ALPK1: variants seen among roughly 807,000 people sequenced by gnomAD.
ALPK1 encodes the protein alpha kinase 1.
In ALPK1, 110 loss-of-function variants were observed where a neutral mutation model predicts 120.6. That is an observed-to-expected ratio of 0.91 (90% CI 0.78 to 1.07). The LOEUF (loss-of-function observed/expected upper bound fraction) is 1.07, where lower values mean the gene tolerates loss of function less well. Ranked by LOEUF, ALPK1 falls within the 50% of genes least tolerant of loss-of-function variation. The probability of loss-of-function intolerance (pLI) is 0.00; values close to 1 mark genes in which losing one functional copy is unlikely to be tolerated. For missense variants in ALPK1, 1,498 were observed against 1,483.9 expected (o/e 1.01, Z -0.16); for synonymous variants, 582 against 560.3 (o/e 1.04, Z -0.55).
At chr4:112,398,412 C>T (rs6814074) in intron 4 of ALPK1, among the ~76,000 whole-genome samples, 22,998 of 151,990 alleles carry the variant, frequency 0.15, 2,448 homozygotes, top group African/African-American at 0.31. Context: ...CCCACCTCAA[C>T]CTCCAGAATA....
intron 4 of ALPK1, among the ~76,000 whole-genome samples, chr4:112,391,830 T>C (rs956407394): frequency 2.6e-5 from 4 of 152,346 alleles, no homozygotes; most frequent in Non-Finnish European, 5.9e-5. Context: ...ACCCAGTTTA[T>C]GGCCTTCTCA....
intron 1 of ALPK1, among the ~76,000 whole-genome samples, chr4:112,313,525 C>T (rs1728505446): frequency 6.6e-6 from 1 of 152,164 alleles, no homozygotes; most frequent in Non-Finnish European, 1.5e-5. Flanking sequence ...GAGTTCGAGA[C>T]CAGACTGCCC....
chr4:112,357,056 A>C lies in ALPK1; in HGVS notation c.-100-20622A>C, dbSNP rs1730662053. On this transcript the variant is annotated intron_variant, in intron 2 of 15. Coordinates refer to ENST00000650871, the MANE Select transcript of ALPK1 (RefSeq NM_025144.4). ...GGACCCCACCAGCTCAGGGCTGAACATGGAGCTGGAAGACATTGCAAAGCT... is the reference window on the plus strand; with the variant it reads ...GGACCCCACCAGCTCAGGGCTGAACCTGGAGCTGGAAGACATTGCAAAGCT... 10 of 905,472 alleles carry C rather than the reference A, an allele frequency of 1.1e-5. No homozygotes were observed. The South Asian group carries it at 1.3e-4, about 12-fold the overall frequency. The allele number at this position is 905,472 out of a possible 1,614,324, so 56.1% of individuals were successfully genotyped here.
At chr4:112,426,378 A>G (rs773134358) in intron 7 of ALPK1, 89 bp from the exon 8 acceptor site, 2 of 969,852 alleles carry the variant, frequency 2.1e-6, no homozygotes, top group Non-Finnish European at 3.2e-6. Context: ...TTGGTTCTGT[A>G]TTTGTTTTCA....
At position 112,326,379 on chromosome 4, in the gene ALPK1, T is replaced by G. The variant is rs1381634399; in HGVS notation, c.-101+10527T>G. On this transcript the variant is annotated intron_variant, in intron 2 of 15. Transcript: ENST00000650871. ...GTCATGCAAAGCCATCATAAATAGG[T>G]CAGATAAAGATGGTCTACAGAGAGA... Among the ~76,000 whole-genome samples, 2 of 152,018 alleles carry G rather than the reference T, an allele frequency of 1.3e-5. 1 individual carries two copies. Among genetic ancestry groups the G allele is most frequent in the Admixed American group, 1.3e-4 (2 of 15,242 alleles).
rs1730600060 is a variant in ALPK1, at chr4:112,356,114, C to T, written c.-100-21564C>T. 3 of 1,443,516 alleles carry T rather than the reference C, an allele frequency of 2.1e-6. 1 individual carries two copies. The highest frequency in any genetic ancestry group is 2.8e-5 in the African/African-American group (2 of 71,576). The allele number at this position is 1,443,516 out of a possible 1,614,324, so 89.4% of individuals were successfully genotyped here. Reference sequence around the variant, plus strand: ...GCCTGCCCCTCAGCCACCCTCTGTGCCCTCCTGAGAACAGGCTGATATGCC... The same window carrying T: ...GCCTGCCCCTCAGCCACCCTCTGTGTCCTCCTGAGAACAGGCTGATATGCC... On this transcript the variant is annotated intron_variant, in intron 2 of 15. Transcript: ENST00000650871.
chr4:112,413,325 C>CTATA (rs949887079), intron 5 of ALPK1, among the ~76,000 whole-genome samples: 100 of 152,288 alleles, frequency 6.6e-4, no homozygotes, highest in African/African-American at 2.4e-3. Flanking sequence ...TACAGCATTG[C>CTATA]TATAGTGTGA....
At chr4:112,375,917 G>A (rs575677346) in intron 2 of ALPK1, among the ~76,000 whole-genome samples, 1 of 152,238 alleles carries the variant, frequency 6.6e-6, no homozygotes, top group South Asian at 2.1e-4. Flanking sequence ...AGAGGCTGCT[G>A]TAGGGTTATT....
At chr4:112,320,893 C>CTTTTTT (rs1430803675) in intron 2 of ALPK1, among the ~76,000 whole-genome samples, 4 of 119,208 alleles carry the variant, frequency 3.4e-5, no homozygotes, top group African/African-American at 1.5e-4. Context: ...TCACCCATTT[C>CTTTTTT]TTTCTTTTTT....
chr4:112,392,336 C>G (rs1732455327), intron 4 of ALPK1, among the ~76,000 whole-genome samples: 1 of 152,166 alleles, frequency 6.6e-6, no homozygotes, highest in South Asian at 2.1e-4. Flanking sequence ...TTGGCTTTAA[C>G]TTCCCCCCAA....
intron 1 of ALPK1, among the ~76,000 whole-genome samples, chr4:112,301,983 C>T (rs17627664): frequency 9.2e-5 from 14 of 152,152 alleles, no homozygotes; most frequent in Non-Finnish European, 1.6e-4. Context: ...CTCCAAAACC[C>T]TTCTCCTCCC....
chr4:112,329,063 T>A (rs1352204112), intron 2 of ALPK1, among the ~76,000 whole-genome samples: 1 of 152,216 alleles, frequency 6.6e-6, no homozygotes, highest in Non-Finnish European at 1.5e-5. Context: ...ACTGTGCCGT[T>A]TTCATCCCTT....
At chr4:112,314,228 G>A (rs923797953) in intron 1 of ALPK1, among the ~76,000 whole-genome samples, 1 of 152,162 alleles carries the variant, frequency 6.6e-6, no homozygotes, top group African/African-American at 2.4e-5. Context: ...GGAAGTCCTC[G>A]TCTGATGAGG....
chr4:112,335,772 A>C (rs1005534515), intron 2 of ALPK1, among the ~76,000 whole-genome samples: 5 of 152,204 alleles, frequency 3.3e-5, no homozygotes, highest in African/African-American at 4.8e-5. Context: ...CCAGTAATAA[A>C]GGGTCTTCCT....
chr4:112,431,990 A>C lies in ALPK1; in HGVS notation c.2443A>C (p.Met815Leu). 1 of 1,614,160 alleles carries C rather than the reference A, an allele frequency of 6.2e-7. No individual in the cohort carries two copies. The highest frequency in any genetic ancestry group is 8.5e-7 in the Non-Finnish European group (1 of 1,179,998). Residue 815 changes from methionine (M) to leucine (L), a missense_variant, in exon 11 of 16, where the codon ATG becomes CTG. Transcript: ENST00000650871. ...VLHNSLGNIS[M>L]LPCSSFTPNW... is the part of the protein sequence containing the mutation. ...GCACAATTCTCTGGGAAACATTTCCATGCTGCCATGTAGCTCCTTCACCCC... is the reference window on the plus strand; with the variant it reads ...GCACAATTCTCTGGGAAACATTTCCCTGCTGCCATGTAGCTCCTTCACCCC...
chr4:112,431,201 G>C lies in ALPK1; in HGVS notation c.1654G>C (p.Asp552His). 1 of 1,614,202 alleles carries C rather than the reference G, an allele frequency of 6.2e-7. No individual in the cohort carries two copies. ...SDAFRVSLDQDVETETEPSDY... is the reference protein window; with the variant it reads ...SDAFRVSLDQHVETETEPSDY... ...TGCATTTCGAGTCTCCTTGGATCAA[G>C]ATGTGGAGACTGAGACTGAGCCATC... Residue 552 changes from aspartate (D) to histidine (H), a missense_variant, in exon 11 of 16, where the codon GAT becomes CAT. Asp to His is a moderately conservative substitution (Grantham distance 81). Transcript: ENST00000650871.
Position 112,330,839 on chromosome 4 carries a change from G to A in ALPK1, c.-101+14987G>A, listed in dbSNP as rs574069099. Among the ~76,000 whole-genome samples, 4 of 152,298 alleles carry A rather than the reference G, an allele frequency of 2.6e-5. No homozygotes were observed. In the South Asian group the frequency reaches 8.3e-4, roughly 32 times the overall value. The stretch of plus-strand genomic sequence containing the variant: ...TGCCCTATAGCATCCTTGGCCAGAG[G>A]CAGTGTTGTATGGACTAATGTGGGT... On this transcript the variant is annotated intron_variant, in intron 2 of 15. Transcript: ENST00000650871.
intron 2 of ALPK1, among the ~76,000 whole-genome samples, chr4:112,377,273 C>T (rs1462445332): frequency 1.3e-5 from 2 of 152,150 alleles, no homozygotes; most frequent in South Asian, 2.1e-4. Flanking sequence ...GGGTTATTAC[C>T]GTGTACTAGT....
At chr4:112,393,359 G>T (rs1162801614) in intron 4 of ALPK1, among the ~76,000 whole-genome samples, 1 of 152,140 alleles carries the variant, frequency 6.6e-6, no homozygotes, top group Non-Finnish European at 1.5e-5. Context: ...TGGGGAGGGG[G>T]TGTGGGGGAG....
Sources: gnomAD v4.1 joint callset for allele counts (sites outside exome capture counted in the v4.1 genomes callset) on GRCh38, gnomAD v4.1.1 for gene constraint, MANE v1.5 for transcripts, NCBI Gene and HGNC (gene_info 2026-07-23, HGNC 2026-07-21) for gene names.